The following TNIP1 variants were observed in gnomAD, a reference collection of about 807,000 sequenced individuals.
The protein encoded by TNIP1 is TNFAIP3-interacting protein 1.
TNIP1 carries 22 observed loss-of-function variants against 86.6 expected under a neutral mutation model. That is an observed-to-expected ratio of 0.25 (90% CI 0.18 to 0.36). The LOEUF (loss-of-function observed/expected upper bound fraction) is 0.36. Among genes scored for constraint, TNIP1 ranks in the 10% least tolerant of loss-of-function variants. The pLI is 1.00. For missense variants in TNIP1, 709 were observed against 820.6 expected (o/e 0.86, Z 1.66); for synonymous variants, 294 against 313.0 (o/e 0.94, Z 0.64).
intron 6 of TNIP1, among the ~76,000 whole-genome samples, chr5:151,053,879 G>T (rs138389566): frequency 6.6e-6 from 1 of 152,208 alleles, no homozygotes; most frequent in East Asian, 1.9e-4. Flanking sequence ...CCACACTGGT[G>T]TCTCTTTCCC....
rs577497567 is a variant in TNIP1, at chr5:151,051,601, C to T, written c.722+564G>A. ...CAGTCAAGATCAGTGTTTCCCAAGG[C>T]GTGATCCTGTGCCTACCTCGTTCAT... On this transcript the variant is annotated intron_variant, in intron 7 of 17. Coordinates refer to ENST00000521591, the MANE Select transcript of TNIP1 (RefSeq NM_006058.5). Among the ~76,000 whole-genome samples, 14 of 152,334 alleles carry T rather than the reference C, an allele frequency of 9.2e-5. No homozygotes were observed. In the South Asian group the frequency reaches 2.5e-3, roughly 27 times the overall value.
chr5:151,040,724 G>A (rs1368921421), intron 11 of TNIP1, among the ~76,000 whole-genome samples: 2 of 152,206 alleles, frequency 1.3e-5, no homozygotes, highest in East Asian at 1.9e-4. Context: ...TGTCACAGAC[G>A]TAGGCTGACT....
rs566711573 is a variant in TNIP1, at chr5:151,038,331, C to T, written c.1263+766G>A. Among the ~76,000 whole-genome samples, 3 of 152,328 alleles carry T rather than the reference C, an allele frequency of 2.0e-5. No homozygotes were observed. The South Asian group carries it at 6.2e-4, about 32-fold the overall frequency. On this transcript the variant is annotated intron_variant, in intron 12 of 17. Coordinates refer to ENST00000521591, the MANE Select transcript of TNIP1 (RefSeq NM_006058.5). Reference sequence around the variant, plus strand: ...AAGCTGAGCCATGAACTTAACTCCTCCAGGCCCTCAGAGAATGTTTCCTTT... The same window carrying T: ...AAGCTGAGCCATGAACTTAACTCCTTCAGGCCCTCAGAGAATGTTTCCTTT...
At chr5:151,069,145 C>T (rs1443985537) in intron 1 of TNIP1, among the ~76,000 whole-genome samples, 9 of 152,234 alleles carry the variant, frequency 5.9e-5, no homozygotes, top group Non-Finnish European at 1.2e-4. Context: ...CAGGCAAGCA[C>T]TTGTGGGTGG....
intron 7 of TNIP1, 21 bp downstream of exon 7, chr5:151,052,144 C>T (rs753887730): frequency 1.2e-6 from 2 of 1,611,454 alleles, no homozygotes. Flanking sequence ...CTCACCCCTT[C>T]TCTGAGGGGC....
intron 2 of TNIP1, among the ~76,000 whole-genome samples, chr5:151,064,384 T>A (rs78381597): frequency 0.048 from 7,227 of 152,138 alleles, 265 homozygotes; most frequent in African/African-American, 0.1. Flanking sequence ...CCCCTCTGGA[T>A]GGGGAAATCA....
At chr5:151,052,048 G>A (rs1759994813) in intron 7 of TNIP1, 117 bp downstream of exon 7, 2 of 798,594 alleles carry the variant, frequency 2.5e-6, no homozygotes, top group Middle Eastern at 2.5e-4. Context: ...CTCCAAATAG[G>A]GCTCTGGGCA....
intron 15 of TNIP1, 104 bp from the exon 16 acceptor site, chr5:151,033,903 C>T (rs933975957): frequency 8.3e-6 from 9 of 1,086,740 alleles, no homozygotes; most frequent in Non-Finnish European, 1.0e-5. Flanking sequence ...GGCTAGCAGG[C>T]TGGGTACCAA....
chr5:151,068,569 G>A (rs1036437242), intron 1 of TNIP1, among the ~76,000 whole-genome samples: 4 of 152,196 alleles, frequency 2.6e-5, no homozygotes, highest in African/African-American at 9.7e-5. Context: ...TCCCCTCCAT[G>A]TGGCAGTATC....
Position 151,030,254 on chromosome 5 carries a change from G to T in TNIP1, c.*459C>A, listed in dbSNP as rs1050512340. On this transcript the variant is annotated 3_prime_UTR_variant, in exon 18 of 18. Coordinates refer to ENST00000521591, the MANE Select transcript of TNIP1 (RefSeq NM_006058.5). ...CACTTCCCACAGCTCCTCACAGAGG[G>T]GTAGGGGTGTGCGTGGGGCAGGTCC... 4.8e-6 allele frequency: 2 copies of T among 420,130 alleles called. No homozygotes were observed. The highest frequency in any genetic ancestry group is 5.1e-5 in the Admixed American group (2 of 39,022). The allele number at this position is 420,130 out of a possible 1,614,324, so 26.0% of individuals were successfully genotyped here.
Position 151,049,890 on chromosome 5 carries a change from C to T in TNIP1, c.780G>A (p.Ala260=), listed in dbSNP as rs767881838. 10 of 1,614,210 alleles carry T rather than the reference C, an allele frequency of 6.2e-6. No individual in the cohort carries two copies. The highest frequency in any genetic ancestry group is 8.5e-6 in the Non-Finnish European group (10 of 1,180,026). Residue 260 remains alanine (A), a synonymous_variant, in exon 8 of 18, where the codon GCG becomes GCA. Coordinates refer to ENST00000521591, the MANE Select transcript of TNIP1 (RefSeq NM_006058.5). ...LLMSNGNKEG[A]SGRPGSPKME... ...TCTTCGGTGAGCCTGGCCGCCCAGA[C>T]GCACCCTCTTTGTTGCCATTGCTCA... is the stretch of plus-strand genomic sequence containing the variant.
upstream of TNIP1, among the ~76,000 whole-genome samples, chr5:151,084,617 C>A (rs980614819): frequency 6.6e-6 from 1 of 152,246 alleles, no homozygotes; most frequent in South Asian, 2.1e-4. Context: ...GTGCTGTTTC[C>A]ACATACCCCA....
chr5:151,039,047 C>T, intron 12 of TNIP1, 50 bp downstream of exon 12: 2 of 1,585,550 alleles, frequency 1.3e-6, no homozygotes. Context: ...GTGGGCATTG[C>T]AGCTGGACTC....
chr5:151,068,112 G>T (rs1283804971), intron 1 of TNIP1, among the ~76,000 whole-genome samples: 1 of 152,226 alleles, frequency 6.6e-6, no homozygotes, highest in Non-Finnish European at 1.5e-5. Context: ...AGAAAGAAAG[G>T]CAGTGGGCAG....
At chr5:151,059,748 C>T (rs544834331) in intron 5 of TNIP1, among the ~76,000 whole-genome samples, 69 of 135,464 alleles carry the variant, frequency 5.1e-4, no homozygotes, top group Non-Finnish European at 7.3e-4. Flanking sequence ...AATGAGGATG[C>T]TGGGCAGACG....
intron 5 of TNIP1, among the ~76,000 whole-genome samples, 156 bp downstream of exon 5, chr5:151,060,162 G>A (rs1435412934): frequency 6.6e-6 from 1 of 152,198 alleles, no homozygotes; most frequent in Non-Finnish European, 1.5e-5. Flanking sequence ...GCATATGTGA[G>A]CGAGAAGCAC....
intron 1 of TNIP1, among the ~76,000 whole-genome samples, chr5:151,074,501 C>T (rs936105579): frequency 1.3e-5 from 2 of 152,160 alleles, no homozygotes; most frequent in Non-Finnish European, 2.9e-5. Context: ...TTCCTTGTTT[C>T]TCCCTATGGA....
At chr5:151,061,480 A>ATTTTCT (rs539814164) in intron 4 of TNIP1, among the ~76,000 whole-genome samples, 29 of 146,344 alleles carry the variant, frequency 2.0e-4, no homozygotes, top group African/African-American at 7.0e-4. Flanking sequence ...AAATCTGTAG[A>ATTTTCT]TTTTTTTTTT....
intron 1 of TNIP1, among the ~76,000 whole-genome samples, chr5:151,071,946 G>A (rs1229779059): frequency 1.3e-5 from 2 of 152,154 alleles, no homozygotes; most frequent in African/African-American, 2.4e-5. Context: ...AGGCGCTACC[G>A]TATGCCAGGT....
Sources: gnomAD v4.1 joint callset for allele counts (sites outside exome capture counted in the v4.1 genomes callset) on GRCh38, gnomAD v4.1.1 for gene constraint, MANE v1.5 for transcripts, NCBI Gene and HGNC (gene_info 2026-07-23, HGNC 2026-07-21) for gene names.